The following TRPM3 variants were observed in gnomAD, a reference collection of about 807,000 sequenced individuals.
The protein encoded by TRPM3 is long transient receptor potential channel 3.
A neutral mutation model predicts 181.2 loss-of-function variants in TRPM3; 77 were observed. The ratio of observed to expected loss-of-function variants is 0.42; its 90% CI spans 0.35 to 0.51. The LOEUF is 0.51. TRPM3 is among the 20% of genes least tolerant of loss of function. The pLI is 0.01. For synonymous variants in TRPM3, 745 were observed against 796.4 expected (o/e 0.94, Z 1.09); for missense variants, 1,759 against 2,196.7 (o/e 0.80, Z 3.98).
At chr9:70,746,075 G>A (rs1465862083) in intron 8 of TRPM3, among the ~76,000 whole-genome samples, 2 of 152,280 alleles carry the variant, frequency 1.3e-5, no homozygotes, top group South Asian at 2.1e-4. Context: ...AGCTCTCCCA[G>A]CAACAGGGTG....
At chr9:71,237,529 G>C (rs551716825) in intron 1 of TRPM3, among the ~76,000 whole-genome samples, 3 of 152,182 alleles carry the variant, frequency 2.0e-5, no homozygotes, top group Admixed American at 6.5e-5. Context: ...TCTGGAAAAT[G>C]AATTTCATTT....
intron 1 of TRPM3, among the ~76,000 whole-genome samples, chr9:70,941,852 A>G (rs1266374001): frequency 2.0e-5 from 3 of 152,166 alleles, no homozygotes; most frequent in Admixed American, 2.0e-4. Context: ...AATAGATATG[A>G]TTACTCTTTG....
intron 9 of TRPM3, among the ~76,000 whole-genome samples, chr9:70,651,429 T>C (rs2059584962): frequency 6.6e-6 from 1 of 152,192 alleles, no homozygotes; most frequent in African/African-American, 2.4e-5. Context: ...TACTACAATG[T>C]CAAACTCCCT....
At chr9:70,893,965 T>C (rs894550492) in intron 1 of TRPM3, among the ~76,000 whole-genome samples, 1 of 152,154 alleles carries the variant, frequency 6.6e-6, no homozygotes, top group Non-Finnish European at 1.5e-5. Context: ...AAAGTTATAA[T>C]ATGCTTAAGG....
intron 1 of TRPM3, among the ~76,000 whole-genome samples, chr9:71,166,041 G>A (rs2076525166): frequency 6.6e-6 from 1 of 152,188 alleles, no homozygotes; most frequent in Admixed American, 6.6e-5. Context: ...CCCATAGCAT[G>A]TCAGCGGACA....
At position 71,445,555 on chromosome 9, in the gene TRPM3, C is replaced by T. The variant is rs144984578; in HGVS notation, c.183+1098G>A. ...TGTAAACAAGCAACCAAAATAAACA[C>T]ACCAAAAATTTCAAATGTTTATATT... On this transcript the variant is annotated intron_variant, in intron 1 of 24. Transcript: ENST00000357533. 8.8e-3 allele frequency among the ~76,000 whole-genome samples: 1,345 copies of T among 152,206 alleles called. 22 individuals carry two copies. The highest frequency in any genetic ancestry group is 0.03 in the African/African-American group (1,259 of 41,514).
intron 8 of TRPM3, among the ~76,000 whole-genome samples, chr9:70,684,053 C>T (rs2134287271): frequency 6.6e-6 from 1 of 152,290 alleles, no homozygotes; most frequent in South Asian, 2.1e-4. Context: ...AAATGGAATT[C>T]CTTAACCATC....
At chr9:71,138,489 T>C (rs747019073) in intron 1 of TRPM3, among the ~76,000 whole-genome samples, 3 of 152,208 alleles carry the variant, frequency 2.0e-5, no homozygotes, top group Non-Finnish European at 2.9e-5. Context: ...TTTTTCAGTA[T>C]ATATATGAGT....
At chr9:71,260,512 G>A (rs2082970554) in intron 1 of TRPM3, among the ~76,000 whole-genome samples, 1 of 152,150 alleles carries the variant, frequency 6.6e-6, no homozygotes, top group Non-Finnish European at 1.5e-5. Flanking sequence ...TCCTATCCAT[G>A]AGCATGAAAT....
chr9:71,064,503 A>T (rs888374101), intron 1 of TRPM3, among the ~76,000 whole-genome samples: 1 of 152,012 alleles, frequency 6.6e-6, no homozygotes, highest in South Asian at 2.1e-4. Flanking sequence ...CATGATAAAG[A>T]CATTTCCCCC....
At chr9:70,975,783 C>G (rs2133968439) in intron 1 of TRPM3, among the ~76,000 whole-genome samples, 1 of 152,268 alleles carries the variant, frequency 6.6e-6, no homozygotes, top group Non-Finnish European at 1.5e-5. Flanking sequence ...TCGTTGGAAC[C>G]AGATAAGGTG....
rs72718981 is a variant in TRPM3 at position 70,602,451 on chromosome 9, G to A, written c.2796+891C>T. Among the ~76,000 whole-genome samples the A allele has an allele frequency of 7.2e-5, 11 of 152,224 alleles. No homozygotes were observed. In the South Asian group the frequency reaches 2.1e-3, roughly 29 times the overall value. Reference sequence around the variant, plus strand: ...CCACCCACTGCAGTACAGCAATTAGGGTTGTTCTTGAGCTCTTAAAGACCC... The same window carrying A: ...CCACCCACTGCAGTACAGCAATTAGAGTTGTTCTTGAGCTCTTAAAGACCC... On this transcript the variant is annotated intron_variant, in intron 20 of 25. Coordinates refer to ENST00000677713, the MANE Select transcript of TRPM3 (RefSeq NM_001366145.2).
In TRPM3 at chr9:71,219,849, C is replaced by A. The variant is rs577585133; in HGVS notation, c.183+226804G>T. Reference sequence around the variant, plus strand: ...GGTCATAGAATGTGTTTACAAGTGGCCTTGAAGGGTCTGGAAACTGTCTGA... The same window carrying A: ...GGTCATAGAATGTGTTTACAAGTGGACTTGAAGGGTCTGGAAACTGTCTGA... On this transcript the variant is annotated intron_variant, in intron 1 of 24. Transcript: ENST00000357533. 4.9e-4 allele frequency among the ~76,000 whole-genome samples: 74 copies of A among 152,200 alleles called. No individual in the cohort carries two copies. In the Middle Eastern group the frequency reaches 0.01, roughly 21 times the overall value.
chr9:71,217,019 C>A (rs982000343), intron 1 of TRPM3, among the ~76,000 whole-genome samples: 5 of 130,400 alleles, frequency 3.8e-5, no homozygotes, highest in African/African-American at 8.7e-5. Flanking sequence ...GGCGCGATCT[C>A]GGCTCACTGC....
At chr9:71,147,424 G>GACACACACACACAC (rs34795244) in intron 1 of TRPM3, among the ~76,000 whole-genome samples, 4,537 of 144,966 alleles carry the variant, frequency 0.031, 158 homozygotes, top group South Asian at 0.11. Context: ...GCAACACACA[G>GACACACACACACAC]ACACACACAC....
chr9:71,335,857 G>A (rs1353871414), intron 1 of TRPM3, among the ~76,000 whole-genome samples: 4 of 152,046 alleles, frequency 2.6e-5, no homozygotes, highest in African/African-American at 7.2e-5. Context: ...GGGGAGATAC[G>A]ATCCTTTTTG....
At chr9:70,858,597 A>C (rs2095444769) in intron 3 of TRPM3, among the ~76,000 whole-genome samples, 1 of 152,078 alleles carries the variant, frequency 6.6e-6, no homozygotes, top group Non-Finnish European at 1.5e-5. Flanking sequence ...GGTAGTAATA[A>C]GAAGGTAAAT....
chr9:71,017,663 A>G (rs2097795352), intron 1 of TRPM3, among the ~76,000 whole-genome samples: 1 of 151,928 alleles, frequency 6.6e-6, no homozygotes, highest in Non-Finnish European at 1.5e-5. Context: ...ATTAATGTGC[A>G]TATACTTAAT....
At chr9:71,252,633 G>A (rs892847440) in intron 1 of TRPM3, among the ~76,000 whole-genome samples, 2 of 152,014 alleles carry the variant, frequency 1.3e-5, no homozygotes, top group East Asian at 1.9e-4. Context: ...ACAAAATAAC[G>A]GGGAGATTTG....
Sources: gnomAD v4.1 joint callset for allele counts (sites outside exome capture counted in the v4.1 genomes callset) on GRCh38, gnomAD v4.1.1 for gene constraint, MANE v1.5 for transcripts, NCBI Gene and HGNC (gene_info 2026-07-23, HGNC 2026-07-21) for gene names.